The following USP34 variants were observed in gnomAD, a reference collection of about 807,000 sequenced individuals.
The protein encoded by USP34 is ubiquitin carboxyl-terminal hydrolase 34.
Under a neutral mutation model 460.3 loss-of-function variants are expected in USP34, and 70 were observed. The observed-to-expected ratio is 0.15, with a 90% CI of 0.13 to 0.19. The LOEUF is 0.19. Among genes scored for constraint, USP34 ranks in the 10% least tolerant of loss-of-function variants. The pLI is 1.00. For synonymous variants in USP34, 1,647 were observed against 1,405.3 expected, an observed-to-expected ratio of 1.17 and a Z score of -3.85; for missense variants, 3,985 against 4,236.2, an observed-to-expected ratio of 0.94 and a Z score of 1.65.
chr2:61,292,104 G>C (rs1689872792), intron 33 of USP34, among the ~76,000 whole-genome samples: 1 of 152,108 alleles, frequency 6.6e-6, no homozygotes. Flanking sequence ...AACTGTTCTG[G>C]AATTAGATGC....
intron 27 of USP34, among the ~76,000 whole-genome samples, chr2:61,306,104 G>A (rs1690395547): frequency 9.3e-6 from 1 of 106,962 alleles, no homozygotes; most frequent in Non-Finnish European, 2.1e-5. Flanking sequence ...GTCTATTTTG[G>A]CTTTGTTGCC....
chr2:61,202,188 GT>G (rs1686995208), intron 75 of USP34, among the ~76,000 whole-genome samples: 1 of 152,186 alleles, frequency 6.6e-6, no homozygotes, highest in Admixed American at 6.5e-5. Flanking sequence ...CTAAGGTAGG[GT>G]CACATCTTCT....
Position 61,206,059 on chromosome 2 carries a change from G to A in USP34, c.9112C>T (p.Leu3038Phe). 2 of 1,613,756 alleles carry A rather than the reference G, an allele frequency of 1.2e-6. No individual in the cohort carries two copies. Among genetic ancestry groups the A allele is most frequent in the Non-Finnish European group, 1.7e-6 (2 of 1,179,810 alleles). ...AGTTCTGGAGGACTATAGGAATTAA[G>A]AAGAGTTAACAGTTTATGGGCAAAT... is the stretch of plus-strand genomic sequence containing the variant. ...IEFAHKLLTL[L>F]NSYSPPELRN... The change falls in exon 72 of 80, where the codon CTT (leucine) becomes TTT (phenylalanine). Residue 3038 changes from leucine (L) to phenylalanine (F), a missense_variant. Physicochemically the swap from Leu to Phe is conservative, Grantham distance 22. This residue lies in a region of USP34 where 275 missense variants were observed against 292.7 expected (regional missense o/e 0.94). Coordinates refer to ENST00000398571, the MANE Select transcript of USP34 (RefSeq NM_014709.4).
In USP34 at chr2:61,283,137, T is replaced by G. The variant is rs887407289; in HGVS notation, c.4998+8A>C. 7 of 1,612,346 alleles carry G rather than the reference T, an allele frequency of 4.3e-6. No homozygotes were observed. In the African/African-American group the frequency reaches 9.4e-5, roughly 22 times the overall value. ...AATAACAGTACTAACCTTCAATCTT[T>G]ATCTTACCTCAGGAATAAGGAGAGT... On this transcript the variant is annotated splice_region_variant and intron_variant, in intron 37 of 79. Transcript: ENST00000398571.
intron 1 of USP34, among the ~76,000 whole-genome samples, chr2:61,422,923 C>G (rs11680311): frequency 8.5e-5 from 13 of 152,114 alleles, no homozygotes; most frequent in Admixed American, 3.9e-4. Context: ...TCACTCGAAC[C>G]TGGAAGGTTA....
At chr2:61,364,049 A>G (rs546124555) in intron 10 of USP34, among the ~76,000 whole-genome samples, 1 of 152,324 alleles carries the variant, frequency 6.6e-6, no homozygotes, top group Non-Finnish European at 1.5e-5. Context: ...GAAGGTACCT[A>G]GAATAGGCAA....
chr2:61,449,599 G>C (rs967703104), intron 1 of USP34, among the ~76,000 whole-genome samples: 1 of 151,636 alleles, frequency 6.6e-6, no homozygotes. Context: ...AGACAGTGTA[G>C]TACTGGCGTA....
At chr2:61,458,230 G>GA (rs1558606875) in intron 1 of USP34, among the ~76,000 whole-genome samples, 3 of 151,918 alleles carry the variant, frequency 2.0e-5, no homozygotes, top group African/African-American at 7.3e-5. Flanking sequence ...AAGACTTCTC[G>GA]AAAAAAATCA....
At chr2:61,430,170 G>C (rs555844352) in intron 1 of USP34, among the ~76,000 whole-genome samples, 1 of 150,424 alleles carries the variant, frequency 6.6e-6, no homozygotes, top group South Asian at 2.1e-4. Context: ...AGCCAAGATC[G>C]TGCCACTGCA....
rs1686537519 is a variant in USP34, at chr2:61,189,011, G to A, written c.9932C>T (p.Ala3311Val). Residue 3311 changes from alanine (A) to valine (V), a missense_variant, in exon 79 of 80, where the codon GCT becomes GTT. This residue lies in a region of USP34 where 506 missense variants were observed against 439.0 expected (regional missense o/e 1.15). Transcript: ENST00000398571. ...SVHTPKQLNP[A>V]LIPTLQELLS... is the part of the protein sequence containing the mutation. ...AAGCTCTTGCAGAGTTGGAATTAGAGCTGGGTTTAACTGTTTGGGAGTGTG... is the reference window on the plus strand; with the variant it reads ...AAGCTCTTGCAGAGTTGGAATTAGAACTGGGTTTAACTGTTTGGGAGTGTG... 6.2e-7 allele frequency: 1 copy of A among 1,614,230 alleles called. No homozygotes were observed. The highest frequency in any genetic ancestry group is 8.5e-7 in the Non-Finnish European group (1 of 1,180,044).
intron 3 of USP34, among the ~76,000 whole-genome samples, chr2:61,398,520 G>A (rs1201587539): frequency 7.4e-6 from 1 of 135,296 alleles, no homozygotes; most frequent in African/African-American, 2.8e-5. Flanking sequence ...GGAAGGAGGC[G>A]GAAGCGGGGA....
chr2:61,393,168 C>T (rs139632857), intron 5 of USP34, among the ~76,000 whole-genome samples: 72 of 152,252 alleles, frequency 4.7e-4, no homozygotes, highest in African/African-American at 1.4e-3. Flanking sequence ...AAGTGGCTCA[C>T]GCCTGTAATC....
chr2:61,447,384 A>C (rs1695151376), intron 1 of USP34, among the ~76,000 whole-genome samples: 1 of 151,830 alleles, frequency 6.6e-6, no homozygotes, highest in African/African-American at 2.4e-5. Context: ...CTAAAATTTT[A>C]ATTTTTCTAT....
At chr2:61,213,094 C>T (rs1317717002) in intron 68 of USP34, among the ~76,000 whole-genome samples, 1 of 152,096 alleles carries the variant, frequency 6.6e-6, no homozygotes, top group Non-Finnish European at 1.5e-5. Flanking sequence ...TGTCTCAATG[C>T]AGCCTCAACC....
chr2:61,222,541 G>GA (rs1388548849), intron 65 of USP34, 78 bp downstream of exon 65: 1 of 1,195,896 alleles, frequency 8.4e-7, no homozygotes, highest in Non-Finnish European at 1.2e-6. Flanking sequence ...TTGTTCTCGA[G>GA]AACAATTAGG....
At chr2:61,330,441 A>T (rs979239921) in intron 20 of USP34, among the ~76,000 whole-genome samples, 1 of 152,206 alleles carries the variant, frequency 6.6e-6, no homozygotes, top group African/African-American at 2.4e-5. Context: ...GAAGTAACTG[A>T]TTTGTGCAGG....
intron 10 of USP34, among the ~76,000 whole-genome samples, chr2:61,356,412 C>A (rs1692105397): frequency 6.6e-6 from 1 of 151,928 alleles, no homozygotes; most frequent in African/African-American, 2.4e-5. Flanking sequence ...ATGGCTTAAT[C>A]CTGGAAGGTC....
At chr2:61,293,949 A>G (rs1364437001) in intron 32 of USP34, among the ~76,000 whole-genome samples, 1 of 152,158 alleles carries the variant, frequency 6.6e-6, no homozygotes, top group Non-Finnish European at 1.5e-5. Flanking sequence ...CAGGAGGTCA[A>G]GGCTGCAGTC....
intron 37 of USP34, among the ~76,000 whole-genome samples, chr2:61,281,508 A>G (rs1689534856): frequency 6.6e-6 from 1 of 152,160 alleles, no homozygotes; most frequent in African/African-American, 2.4e-5. Context: ...GCTACTCTGG[A>G]GACAGGCACA....
Sources: allele counts gnomAD v4.1 joint callset (sites outside exome capture counted in the v4.1 genomes callset), GRCh38; gene constraint gnomAD v4.1.1; regional missense constraint gnomAD v4.1.1; transcripts MANE v1.5; gene names NCBI Gene and HGNC (gene_info 2026-07-23, HGNC 2026-07-21).